The following SLC13A1 variants were observed in gnomAD, a reference collection of about 807,000 sequenced individuals.
SLC13A1 encodes the protein Na(+)/sulfate cotransporter.
SLC13A1 carries 65 observed loss-of-function variants against 70.0 expected under a neutral mutation model. The ratio of observed to expected loss-of-function variants is 0.93; its 90% confidence interval spans 0.76 to 1.14. The LOEUF (loss-of-function observed/expected upper bound fraction) is 1.14, where lower values mean the gene tolerates loss of function less well. SLC13A1 is among the 50% of genes most tolerant of loss of function. The probability of loss-of-function intolerance (pLI) is 0.00; values close to 1 mark genes in which losing one functional copy is unlikely to be tolerated. For synonymous variants in SLC13A1, 275 were observed against 250.5 expected, an observed-to-expected ratio of 1.10 and a Z score of -0.92; for missense variants, 726 against 717.8, an observed-to-expected ratio of 1.01 and a Z score of -0.13.
Position 123,154,393 on chromosome 7 carries a change from A to G in SLC13A1, c.661-7083T>C, listed in dbSNP as rs529660359. ...ATGCAGAATCCAATGACATCATCAC[A>G]GTGGACCTGTCACAACAGAAATCCT... On this transcript the variant is annotated intron_variant, in intron 6 of 14. Transcript: ENST00000194130. Among the ~76,000 whole-genome samples the G allele has an allele frequency of 8.7e-4, 132 of 152,240 alleles. 1 individual carries two copies. Among genetic ancestry groups the G allele is most frequent in the African/African-American group, 3.1e-3 (128 of 41,578 alleles).
At chr7:123,143,034 G>C (rs188445680) in intron 7 of SLC13A1, among the ~76,000 whole-genome samples, 6 of 152,106 alleles carry the variant, frequency 3.9e-5, no homozygotes, top group Non-Finnish European at 8.8e-5. Flanking sequence ...TAAAGCTAGA[G>C]CCTGGAAAGG....
chr7:123,124,574 A>G (rs1486808860), intron 11 of SLC13A1, among the ~76,000 whole-genome samples: 1 of 152,188 alleles, frequency 6.6e-6, no homozygotes, highest in African/African-American at 2.4e-5. Context: ...GTTAATTTCC[A>G]GACAATTACA....
At chr7:123,194,774 C>T (rs1796123006) in intron 1 of SLC13A1, among the ~76,000 whole-genome samples, 1 of 152,030 alleles carries the variant, frequency 6.6e-6, no homozygotes, top group Non-Finnish European at 1.5e-5. Flanking sequence ...TCTGAGATGA[C>T]ATACAGCTTT....
chr7:123,195,634 TTTTA>T (rs1796153652), intron 1 of SLC13A1, among the ~76,000 whole-genome samples: 1 of 152,078 alleles, frequency 6.6e-6, no homozygotes. Flanking sequence ...TCATGTATCA[TTTTA>T]TTTATTATTA....
chr7:123,143,567 T>C (rs1006217044), intron 7 of SLC13A1, among the ~76,000 whole-genome samples: 4 of 152,166 alleles, frequency 2.6e-5, no homozygotes, highest in African/African-American at 9.7e-5. Context: ...AGCACAAGAA[T>C]GCTCTCTGCA....
chr7:123,134,633 CA>C (rs1793890124), intron 7 of SLC13A1, 104 bp from the exon 8 acceptor site: 1 of 1,129,630 alleles, frequency 8.9e-7, no homozygotes, highest in African/African-American at 1.6e-5. Flanking sequence ...TGTTTCTGTC[CA>C]AGAAGGAAGT....
intron 1 of SLC13A1, among the ~76,000 whole-genome samples, chr7:123,185,267 A>T (rs201389449): frequency 6.6e-6 from 1 of 152,046 alleles, no homozygotes; most frequent in Non-Finnish European, 1.5e-5. Context: ...TTTGCAGTGA[A>T]GAAGTTTTAT....
rs182740882 is a variant in SLC13A1 at position 123,187,226 on chromosome 7, C to T, written c.100-6125G>A. ...CTCTTTGGCTCATTCATGGCAGCTC[C>T]GTCTTTCCTATTATAAGATTTCCTC... On this transcript the variant is annotated intron_variant, in intron 1 of 14. Coordinates refer to ENST00000194130, the MANE Select transcript of SLC13A1 (RefSeq NM_022444.4). 2.8e-3 allele frequency among the ~76,000 whole-genome samples: 432 copies of T among 152,152 alleles called. 3 individuals are homozygous for T. The highest frequency in any genetic ancestry group is 9.4e-3 in the African/African-American group (391 of 41,514).
chr7:123,133,211 GAGAAGCC>G (rs1254637609), intron 8 of SLC13A1, among the ~76,000 whole-genome samples: 1 of 152,126 alleles, frequency 6.6e-6, no homozygotes, highest in African/African-American at 2.4e-5. Context: ...TCTGGCCTCT[GAGAAGCC>G]AGAATTTTAT....
intron 8 of SLC13A1, among the ~76,000 whole-genome samples, chr7:123,131,634 T>C (rs954184051): frequency 1.3e-5 from 2 of 152,204 alleles, no homozygotes; most frequent in African/African-American, 4.8e-5. Flanking sequence ...TCAGAATGTA[T>C]GCTAGTTTGC....
At chr7:123,142,654 T>TTTTTTC in intron 7 of SLC13A1, among the ~76,000 whole-genome samples, 1 of 27,342 alleles carries the variant, frequency 3.7e-5, no homozygotes, top group Non-Finnish European at 7.6e-5. Flanking sequence ...TTTTTTTTTT[T>TTTTTTC]TGATGGAGGC....
chr7:123,132,149 A>C (rs1482331843), intron 8 of SLC13A1, among the ~76,000 whole-genome samples: 2 of 152,160 alleles, frequency 1.3e-5, no homozygotes, highest in African/African-American at 4.8e-5. Context: ...GACATTTTAC[A>C]CATTTGCTTC....
chr7:123,180,937 A>G (rs773156777), intron 2 of SLC13A1, 36 bp downstream of exon 2: 1 of 1,582,570 alleles, frequency 6.3e-7, no homozygotes, highest in South Asian at 1.1e-5. Context: ...AATACAAAAC[A>G]GGAAATCAAC....
chr7:123,166,585 C>A (rs1016992345), intron 6 of SLC13A1, among the ~76,000 whole-genome samples: 5 of 152,058 alleles, frequency 3.3e-5, no homozygotes, highest in African/African-American at 1.2e-4. Flanking sequence ...TGACGTTCCC[C>A]TTCCTGTGCC....
chr7:123,186,577 C>T, intron 1 of SLC13A1: 2 of 332,294 alleles, frequency 6.0e-6, no homozygotes, highest in Non-Finnish European at 1.2e-5. Flanking sequence ...TTGTTTACCA[C>T]CATTACACAC....
intron 8 of SLC13A1, among the ~76,000 whole-genome samples, chr7:123,130,680 C>T (rs922861473): frequency 2.6e-5 from 4 of 152,152 alleles, no homozygotes; most frequent in Non-Finnish European, 4.4e-5. Flanking sequence ...GCCTACATAA[C>T]AAACCTGCAC....
intron 9 of SLC13A1, among the ~76,000 whole-genome samples, chr7:123,129,170 G>C (rs531796352): frequency 6.6e-6 from 1 of 152,000 alleles, no homozygotes; most frequent in Admixed American, 6.6e-5. Flanking sequence ...AGTTAGACAG[G>C]GTATGTGTTT....
chr7:123,181,010 A>G lies in SLC13A1; in HGVS notation c.191T>C (p.Leu64Ser). 6.2e-7 allele frequency: 1 copy of G among 1,612,792 alleles called. No homozygotes were observed. The highest frequency in any genetic ancestry group is 8.5e-7 in the Non-Finnish European group (1 of 1,179,118). Residue 64 changes from leucine (L) to serine (S), a missense_variant, in exon 2 of 15, where the codon TTA becomes TCA. Physicochemically the swap from Leu to Ser is moderately radical, Grantham distance 145. Coordinates refer to ENST00000194130, the MANE Select transcript of SLC13A1 (RefSeq NM_022444.4). ...PLSVTALLPSLMLPMFGIMPS... is the reference protein window; with the variant it reads ...PLSVTALLPSSMLPMFGIMPS... The stretch of plus-strand genomic sequence containing the variant: ...CATGATCCCAAACATGGGTAACATT[A>G]AACTAGGTAGCAAAGCTGTTACCGA...
chr7:123,177,000 G>T (rs574753783), intron 2 of SLC13A1, among the ~76,000 whole-genome samples: 2 of 152,146 alleles, frequency 1.3e-5, no homozygotes, highest in South Asian at 2.1e-4. Context: ...CTGCAGATTA[G>T]CTCTCTCTCA....
Sources: allele counts gnomAD v4.1 joint callset (sites outside exome capture counted in the v4.1 genomes callset), GRCh38; gene constraint gnomAD v4.1.1; transcripts MANE v1.5; gene names NCBI Gene and HGNC (gene_info 2026-07-23, HGNC 2026-07-21).